NEK1: variants seen among roughly 807,000 people sequenced by gnomAD.
The protein encoded by NEK1 is serine/threonine-protein kinase Nek1.
In NEK1, 137 loss-of-function variants were observed where a neutral mutation model predicts 182.1. That is an observed-to-expected ratio of 0.75 (90% CI 0.65 to 0.87). The LOEUF (loss-of-function observed/expected upper bound fraction) is 0.87, where lower values mean the gene tolerates loss of function less well. NEK1 is among the 40% of genes least tolerant of loss of function. NEK1 has a pLI of 0.00. For synonymous variants in NEK1, 513 were observed against 492.2 expected (o/e 1.04, Z -0.56); for missense variants, 1,391 against 1,494.4 (o/e 0.93, Z 1.14).
At chr4:169,492,545 G>T (rs959969897) in intron 23 of NEK1, among the ~76,000 whole-genome samples, 1 of 152,124 alleles carries the variant, frequency 6.6e-6, no homozygotes, top group Admixed American at 6.5e-5. Context: ...TATCGGTGGC[G>T]ATTAGAGGAC....
intron 30 of NEK1, 84 bp from the exon 31 acceptor site, chr4:169,424,884 A>T: frequency 7.2e-7 from 1 of 1,379,758 alleles, no homozygotes; most frequent in Non-Finnish European, 9.6e-7. Context: ...AGTATGTAAC[A>T]CAAATTCTAG....
At chr4:169,456,662 A>G (rs1028258204) in intron 27 of NEK1, among the ~76,000 whole-genome samples, 3 of 152,224 alleles carry the variant, frequency 2.0e-5, no homozygotes, top group Admixed American at 2.0e-4. Flanking sequence ...GTTCCTCCAG[A>G]AACTAAAAAT....
chr4:169,498,900 G>A lies in NEK1; in HGVS notation c.2007+8137C>T, dbSNP rs541575617. Among the ~76,000 whole-genome samples, 7 of 152,190 alleles carry A rather than the reference G, an allele frequency of 4.6e-5. No individual in the cohort carries two copies. The South Asian group carries it at 6.2e-4, about 14-fold the overall frequency. On this transcript the variant is annotated intron_variant, in intron 23 of 35. Coordinates refer to ENST00000507142, the MANE Select transcript of NEK1 (RefSeq NM_001199397.3). ...TATGTGTCTTGGAGTTGCTCTTCTC[G>A]AGGAGTATCTTTGTGGCATTCTCTG...
chr4:169,588,561 T>C, intron 8 of NEK1, 88 bp downstream of exon 8: 1 of 721,366 alleles, frequency 1.4e-6, no homozygotes, highest in Non-Finnish European at 2.4e-6. Context: ...GTATTATTTA[T>C]TTTAGAATAG....
chr4:169,429,753 T>C (rs936962580), intron 29 of NEK1, among the ~76,000 whole-genome samples: 1 of 152,188 alleles, frequency 6.6e-6, no homozygotes, highest in African/African-American at 2.4e-5. Flanking sequence ...TAAAGTATCA[T>C]ACTGTTGTAT....
At chr4:169,419,780 C>G (rs1735161441) in intron 31 of NEK1, among the ~76,000 whole-genome samples, 1 of 152,090 alleles carries the variant, frequency 6.6e-6, no homozygotes, top group Non-Finnish European at 1.5e-5. Flanking sequence ...TCCTAGGCTA[C>G]AAAACCTGTA....
At chr4:169,547,765 T>C (rs1236298643) in intron 18 of NEK1, among the ~76,000 whole-genome samples, 1 of 152,234 alleles carries the variant, frequency 6.6e-6, no homozygotes, top group African/African-American at 2.4e-5. Context: ...TTGATTCGGC[T>C]ATTGATACTT....
Position 169,555,945 on chromosome 4 carries a change from C to T in NEK1, c.1417G>A (p.Gly473Ser). 6.2e-7 allele frequency: 1 copy of T among 1,613,576 alleles called. No individual in the cohort carries two copies. Among genetic ancestry groups the T allele is most frequent in the Non-Finnish European group, 8.5e-7 (1 of 1,179,714 alleles). ...ACATAGCCATACCTTTCTGGAAGAC[C>T]TCGACCATATATTTCTCTTTTCCAT... ...AKWKREIYGR[G>S]LPERGILPGV... The change falls in exon 17 of 36, where the codon GGT (glycine) becomes AGT (serine). Residue 473 changes from glycine (G) to serine (S), a missense_variant. Coordinates refer to ENST00000507142, the MANE Select transcript of NEK1 (RefSeq NM_001199397.3).
chr4:169,487,140 T>C (rs1306863531), intron 23 of NEK1, among the ~76,000 whole-genome samples: 2 of 152,160 alleles, frequency 1.3e-5, no homozygotes, highest in Admixed American at 1.3e-4. Context: ...AGAATCACAA[T>C]AGTTAAGGCA....
chr4:169,552,089 A>C (rs987849353), intron 18 of NEK1, among the ~76,000 whole-genome samples: 3 of 152,144 alleles, frequency 2.0e-5, no homozygotes, highest in African/African-American at 7.2e-5. Context: ...TGGAGTAGTG[A>C]AAGTTGTTGC....
intron 11 of NEK1, among the ~76,000 whole-genome samples, chr4:169,577,346 T>C (rs1765856688): frequency 6.6e-6 from 1 of 151,870 alleles, no homozygotes; most frequent in Admixed American, 6.6e-5. Context: ...AAATTGACTG[T>C]GAGTGATGGT....
At chr4:169,575,120 C>T (rs540633474) in intron 12 of NEK1, among the ~76,000 whole-genome samples, 41 of 152,272 alleles carry the variant, frequency 2.7e-4, no homozygotes, top group Non-Finnish European at 4.9e-4. Context: ...TGAGGGAAAG[C>T]TGGAGTCCTA....
intron 23 of NEK1, among the ~76,000 whole-genome samples, chr4:169,493,257 C>A (rs1312960748): frequency 6.6e-6 from 1 of 152,150 alleles, no homozygotes; most frequent in Non-Finnish European, 1.5e-5. Flanking sequence ...ACACAACATA[C>A]ATCACAGTTA....
At chr4:169,406,792 A>G (rs766537902) in intron 31 of NEK1, 45 bp from the exon 32 acceptor site, 32 of 1,480,438 alleles carry the variant, frequency 2.2e-5, no homozygotes, top group Middle Eastern at 1.8e-4. Flanking sequence ...AAAGATAATT[A>G]AAACATAAAA....
At chr4:169,443,121 C>T (rs193244543) in intron 27 of NEK1, among the ~76,000 whole-genome samples, 3 of 148,340 alleles carry the variant, frequency 2.0e-5, no homozygotes, top group African/African-American at 5.0e-5. Flanking sequence ...TTGAGACCAG[C>T]CTGGGCAACA....
chr4:169,401,936 T>C lies in NEK1; in HGVS notation c.3375-76A>G, dbSNP rs1040026132. 4 of 1,264,888 alleles carry C rather than the reference T, an allele frequency of 3.2e-6. No homozygotes were observed. In the African/African-American group the frequency reaches 4.5e-5, roughly 14 times the overall value. 78.4% of individuals were successfully genotyped at this position (1,264,888 alleles called of 1,614,324 possible). A position where few individuals can be genotyped will look rare whatever the true frequency, so the allele number is the denominator to read the frequency against. On this transcript the variant is annotated intron_variant, in intron 32 of 35. Transcript: ENST00000507142. ...AAGTTAAACAACTAAAACTACCTCA[T>C]ACTGAAATTTTACTTCTACTCAATA...
intron 23 of NEK1, 68 bp from the exon 24 acceptor site, chr4:169,479,602 T>C: frequency 8.1e-7 from 1 of 1,227,712 alleles, no homozygotes. Flanking sequence ...AAATGGTACC[T>C]ACCAGATCAC....
intron 24 of NEK1, 29 bp downstream of exon 24, chr4:169,479,374 T>G: frequency 6.3e-7 from 1 of 1,586,450 alleles, no homozygotes; most frequent in Non-Finnish European, 8.6e-7. Flanking sequence ...CTTTTGACTT[T>G]GAGGAGTTCT....
intron 12 of NEK1, among the ~76,000 whole-genome samples, chr4:169,573,130 G>A (rs1480447582): frequency 6.6e-6 from 1 of 152,222 alleles, no homozygotes; most frequent in Non-Finnish European, 1.5e-5. Context: ...AAGAATCACA[G>A]TATGCAAATG....
Sources: gnomAD v4.1 joint callset for allele counts (sites outside exome capture counted in the v4.1 genomes callset) on GRCh38, gnomAD v4.1.1 for gene constraint, MANE v1.5 for transcripts, NCBI Gene and HGNC (gene_info 2026-07-23, HGNC 2026-07-21) for gene names.